Variants in ABCA13 observed in about 807,000 individuals in gnomAD.
ABCA13 encodes ATP binding cassette subfamily A member 13.
In ABCA13, 476 loss-of-function variants were observed where a neutral mutation model predicts 478.7. The ratio of observed to expected loss-of-function variants is 0.99; its 90% CI spans 0.92 to 1.07. The LOEUF (loss-of-function observed/expected upper bound fraction) is 1.07. Ranked by LOEUF, ABCA13 falls within the 50% of genes least tolerant of loss-of-function variation. The pLI, the probability that ABCA13 is intolerant of heterozygous loss-of-function variation, is 0.00. For missense variants in ABCA13, 6,060 were observed against 5,910.6 expected, an observed-to-expected ratio of 1.03 and a Z score of -0.83; for synonymous variants, 2,252 against 2,158.9, an observed-to-expected ratio of 1.04 and a Z score of -1.20.
In ABCA13 at chr7:48,244,782, G is replaced by A; in HGVS notation, c.1390+79G>A. On this transcript the variant is annotated intron_variant, in intron 11 of 61. Transcript: ENST00000435803. ...TTTATTGGAAAATGGACTTGAAACT[G>A]CCTGACACATTGTAAAGTTGGGAGA... 6.1e-6 allele frequency: 9 copies of A among 1,484,150 alleles called. No homozygotes were observed. In the South Asian group the frequency reaches 1.2e-4, roughly 20 times the overall value. The allele number at this position is 1,484,150 out of a possible 1,614,324, so 91.9% of individuals were successfully genotyped here.
rs187322497 is a variant in ABCA13 at position 48,495,842 on chromosome 7, A to G, written c.13291+6498A>G. On this transcript the variant is annotated intron_variant, in intron 48 of 61. Transcript: ENST00000435803. ...TTTTCCTGGTAGATTAATCCTTTGCATATATGTAGTGTTCCTCTTTGTCAC... is the reference window on the plus strand; with the variant it reads ...TTTTCCTGGTAGATTAATCCTTTGCGTATATGTAGTGTTCCTCTTTGTCAC... 1.1e-4 allele frequency among the ~76,000 whole-genome samples: 17 copies of G among 152,262 alleles called. No homozygotes were observed. In the East Asian group the frequency reaches 3.1e-3, roughly 28 times the overall value.
At chr7:48,349,546 T>A (rs569748243) in intron 29 of ABCA13, among the ~76,000 whole-genome samples, 4 of 152,270 alleles carry the variant, frequency 2.6e-5, no homozygotes, top group Admixed American at 2.6e-4. Flanking sequence ...GGCCCCCCTT[T>A]ACAGAGCCCC....
chr7:48,253,072 C>G (rs1526097), intron 15 of ABCA13, among the ~76,000 whole-genome samples: 110,909 of 152,172 alleles, frequency 0.73, 41,159 homozygotes, highest in East Asian at 0.99. Context: ...TGCATACATA[C>G]TATCTGCTTT....
At chr7:48,578,359 G>A (rs1221437275) in intron 55 of ABCA13, among the ~76,000 whole-genome samples, 1 of 152,012 alleles carries the variant, frequency 6.6e-6, no homozygotes, top group Non-Finnish European at 1.5e-5. Context: ...AGAACTAATA[G>A]CCATTTATAT....
intron 43 of ABCA13, among the ~76,000 whole-genome samples, chr7:48,463,554 G>A (rs368059646): frequency 1.3e-5 from 2 of 152,138 alleles, no homozygotes; most frequent in East Asian, 3.8e-4. Flanking sequence ...TGGATGCTCT[G>A]CTCCTGTTCT....
At position 48,454,634 on chromosome 7, in the gene ABCA13, G is replaced by A. The variant is rs908929667; in HGVS notation, c.12566-403G>A. ...GGAACTGAGGAAAAGCAGGCCGTGGGGTTATTCCCTGAATGAATCCCGACC... is the reference window on the plus strand; with the variant it reads ...GGAACTGAGGAAAAGCAGGCCGTGGAGTTATTCCCTGAATGAATCCCGACC... On this transcript the variant is annotated intron_variant, in intron 42 of 61. Coordinates refer to ENST00000435803, the MANE Select transcript of ABCA13 (RefSeq NM_152701.5). Among the ~76,000 whole-genome samples, 4 of 152,254 alleles carry A rather than the reference G, an allele frequency of 2.6e-5. No individual in the cohort carries two copies. The East Asian group carries it at 5.8e-4, about 22-fold the overall frequency.
At chr7:48,289,016 C>A (rs1482102954) in intron 20 of ABCA13, among the ~76,000 whole-genome samples, 1 of 152,188 alleles carries the variant, frequency 6.6e-6, no homozygotes, top group Admixed American at 6.5e-5. Flanking sequence ...TCCATATTAT[C>A]TGTGAGTATG....
intron 37 of ABCA13, among the ~76,000 whole-genome samples, chr7:48,391,185 C>T (rs1815990682): frequency 6.6e-6 from 1 of 152,070 alleles, no homozygotes; most frequent in Non-Finnish European, 1.5e-5. Context: ...AAGACTGGCT[C>T]CAGGGTTGGG....
chr7:48,626,875 AG>A (rs748217404), intron 59 of ABCA13: 13 of 985,268 alleles, frequency 1.3e-5, no homozygotes, highest in Non-Finnish European at 1.6e-5. Flanking sequence ...CCTACGAGGA[AG>A]GGCTGTTGAT....
At chr7:48,463,373 C>G (rs1013859901) in intron 43 of ABCA13, among the ~76,000 whole-genome samples, 3 of 152,136 alleles carry the variant, frequency 2.0e-5, no homozygotes, top group Non-Finnish European at 4.4e-5. Context: ...AGGTGGGGAC[C>G]TTTGCTTCCT....
chr7:48,309,836 G>T, intron 23 of ABCA13, 111 bp from the exon 24 acceptor site: 1 of 1,252,732 alleles, frequency 8.0e-7, no homozygotes, highest in Non-Finnish European at 1.1e-6. Context: ...AGTCCCGGGA[G>T]TTGGGAAATC....
At chr7:48,328,683 A>G (rs926206014) in intron 27 of ABCA13, among the ~76,000 whole-genome samples, 5 of 152,208 alleles carry the variant, frequency 3.3e-5, no homozygotes, top group Admixed American at 1.3e-4. Flanking sequence ...TAATTAATTT[A>G]TTAGTGAAAT....
chr7:48,242,113 G>A (rs1260511625), intron 10 of ABCA13, among the ~76,000 whole-genome samples: 2 of 152,044 alleles, frequency 1.3e-5, no homozygotes, highest in African/African-American at 4.8e-5. Context: ...AAACCTCCCT[G>A]CTGGTCTGTC....
At chr7:48,182,728 G>A (rs571868189) in intron 1 of ABCA13, among the ~76,000 whole-genome samples, 1 of 152,200 alleles carries the variant, frequency 6.6e-6, no homozygotes, top group African/African-American at 2.4e-5. Flanking sequence ...TAACTAAAAG[G>A]TTTGCAAAAA....
intron 42 of ABCA13, among the ~76,000 whole-genome samples, chr7:48,442,667 C>G (rs1823785264): frequency 6.6e-6 from 1 of 152,122 alleles, no homozygotes; most frequent in Admixed American, 6.5e-5. Context: ...GAATGATGAC[C>G]TGGAGAGTTT....
chr7:48,395,485 T>G (rs1816717425), intron 38 of ABCA13, among the ~76,000 whole-genome samples: 1 of 152,192 alleles, frequency 6.6e-6, no homozygotes, highest in South Asian at 2.1e-4. Flanking sequence ...CTGCAGGTCT[T>G]ACTTATATTC....
chr7:48,185,228 C>G (rs1259510062), intron 1 of ABCA13, among the ~76,000 whole-genome samples: 1 of 152,178 alleles, frequency 6.6e-6, no homozygotes, highest in Non-Finnish European at 1.5e-5. Context: ...ATCAAGTCTC[C>G]AAATATGCAC....
intron 31 of ABCA13, among the ~76,000 whole-genome samples, chr7:48,352,818 T>C (rs1809262344): frequency 6.6e-6 from 1 of 151,994 alleles, no homozygotes; most frequent in African/African-American, 2.4e-5. Flanking sequence ...TACCTAACCT[T>C]GGGAAAACTG....
intron 43 of ABCA13, among the ~76,000 whole-genome samples, chr7:48,464,486 T>C (rs1826651359): frequency 1.3e-5 from 2 of 152,386 alleles, no homozygotes; most frequent in African/African-American, 4.8e-5. Flanking sequence ...AGTGTTTTTC[T>C]GTAAACATTT....
Sources: allele counts gnomAD v4.1 joint callset (sites outside exome capture counted in the v4.1 genomes callset), GRCh38; gene constraint gnomAD v4.1.1; transcripts MANE v1.5; gene names NCBI Gene and HGNC (gene_info 2026-07-23, HGNC 2026-07-21).